DPYD: variants seen among roughly 807,000 people sequenced by gnomAD.
The protein encoded by DPYD is dihydropyrimidine dehydrogenase [NADP(+)].
In DPYD, 109 loss-of-function variants were observed where a neutral mutation model predicts 116.2. That is an observed-to-expected ratio of 0.94 (90% CI 0.80 to 1.10). The LOEUF (loss-of-function observed/expected upper bound fraction) is 1.10, where lower values mean the gene tolerates loss of function less well. DPYD is among the 50% of genes least tolerant of loss of function. The pLI is 0.00. For missense variants in DPYD, 1,302 were observed against 1,254.5 expected (o/e 1.04, Z -0.57); for synonymous variants, 440 against 432.0 (o/e 1.02, Z -0.23).
intron 3 of DPYD, chr1:97,796,802 C>T (rs1284998087): frequency 6.6e-6 from 1 of 152,082 alleles, no homozygotes; most frequent in Non-Finnish European, 1.5e-5. Flanking sequence ...ACTGTTATCA[C>T]CTTATATCCT....
intron 20 of DPYD, among the ~76,000 whole-genome samples, chr1:97,156,846 A>G (rs1176255827): frequency 1.3e-5 from 2 of 152,084 alleles, no homozygotes; most frequent in Non-Finnish European, 2.9e-5. Flanking sequence ...TATTCACAAT[A>G]GCAAAGACTT....
intron 16 of DPYD, among the ~76,000 whole-genome samples, chr1:97,342,647 T>A (rs903716570): frequency 6.6e-6 from 1 of 152,108 alleles, no homozygotes; most frequent in African/African-American, 2.4e-5. Flanking sequence ...TCCAGAAGAA[T>A]AAGAAAATTA....
chr1:97,443,827 G>T (rs909362813), intron 14 of DPYD, among the ~76,000 whole-genome samples: 1 of 152,156 alleles, frequency 6.6e-6, no homozygotes, highest in African/African-American at 2.4e-5. Flanking sequence ...AAACTTCAAA[G>T]AAATAGAAGC....
chr1:97,858,774 T>C (rs960540228), intron 2 of DPYD, among the ~76,000 whole-genome samples: 1 of 152,148 alleles, frequency 6.6e-6, no homozygotes. Context: ...CAATTAAGTA[T>C]TATCAAATCT....
Position 97,828,215 on chromosome 1 carries a change from T to C in DPYD, c.151-19A>G. Reference sequence around the variant, plus strand: ...CACAATTCTGCAACATATTTAAAAATTGCATTAATTCTCTAAGATCCTGAG... The same window carrying C: ...CACAATTCTGCAACATATTTAAAAACTGCATTAATTCTCTAAGATCCTGAG... On this transcript the variant is annotated intron_variant, in intron 2 of 22. Transcript: ENST00000370192. The C allele has an allele frequency of 1.9e-6, 3 of 1,608,868 alleles. No homozygotes were observed. Among genetic ancestry groups the C allele is most frequent in the Non-Finnish European group, 2.5e-6 (3 of 1,177,176 alleles).
intron 12 of DPYD, among the ~76,000 whole-genome samples, chr1:97,533,740 C>G (rs933144094): frequency 2.0e-5 from 3 of 152,114 alleles, no homozygotes; most frequent in Non-Finnish European, 4.4e-5. Flanking sequence ...CTTGTGTTAA[C>G]CTATTAACCC....
intron 3 of DPYD, among the ~76,000 whole-genome samples, chr1:97,793,914 TTG>T (rs1466732709): frequency 2.0e-5 from 3 of 152,088 alleles, no homozygotes; most frequent in Non-Finnish European, 4.4e-5. Context: ...CACCTGGTTG[TTG>T]TGTTTGTTTG....
At chr1:97,231,500 T>G (rs1367743514) in intron 19 of DPYD, among the ~76,000 whole-genome samples, 1 of 152,128 alleles carries the variant, frequency 6.6e-6, no homozygotes, top group Admixed American at 6.5e-5. Context: ...CAAGAGAGCA[T>G]GTGCAGGGGA....
chr1:97,117,293 T>A (rs1652053061), intron 20 of DPYD, among the ~76,000 whole-genome samples: 1 of 152,210 alleles, frequency 6.6e-6, no homozygotes, highest in Non-Finnish European at 1.5e-5. Context: ...CAAGTGTCGC[T>A]CATTTATCTG....
chr1:97,725,822 G>T (rs1478470273), intron 4 of DPYD, among the ~76,000 whole-genome samples: 1 of 151,590 alleles, frequency 6.6e-6, no homozygotes, highest in African/African-American at 2.4e-5. Flanking sequence ...CTGGGGGTCT[G>T]AGAGGGAATG....
intron 4 of DPYD, among the ~76,000 whole-genome samples, chr1:97,725,601 T>C (rs1159293771): frequency 1.3e-5 from 2 of 151,700 alleles, no homozygotes; most frequent in Non-Finnish European, 3.0e-5. Flanking sequence ...GATAAGCATG[T>C]AGATCAATGT....
At chr1:97,547,956 C>T (rs980441917) in intron 12 of DPYD, among the ~76,000 whole-genome samples, 2 of 152,040 alleles carry the variant, frequency 1.3e-5, no homozygotes, top group Non-Finnish European at 2.9e-5. Flanking sequence ...AGTGTCAAGT[C>T]CAGGCCCTAC....
intron 13 of DPYD, among the ~76,000 whole-genome samples, chr1:97,461,466 T>C (rs1032348382): frequency 9.2e-5 from 14 of 152,152 alleles, no homozygotes; most frequent in African/African-American, 3.4e-4. Flanking sequence ...CACACACCTC[T>C]GTTTTGGCTA....
intron 13 of DPYD, among the ~76,000 whole-genome samples, chr1:97,512,879 T>G (rs1259535718): frequency 1.3e-5 from 2 of 151,840 alleles, no homozygotes; most frequent in Non-Finnish European, 2.9e-5. Context: ...AAAAGCAACC[T>G]TGTTATTTTG....
intron 8 of DPYD, among the ~76,000 whole-genome samples, chr1:97,617,302 A>G (rs1276741047): frequency 2.0e-5 from 3 of 152,158 alleles, no homozygotes; most frequent in Non-Finnish European, 2.9e-5. Context: ...TCAACTATCC[A>G]TGCCTAAATA....
At position 97,823,921 on chromosome 1, in the gene DPYD, A is replaced by G. The variant is rs979156232; in HGVS notation, c.233+4193T>C. Among the ~76,000 whole-genome samples the G allele has an allele frequency of 4.6e-5, 7 of 151,018 alleles. No homozygotes were observed. The South Asian group carries it at 1.3e-3, about 27-fold the overall frequency. The stretch of plus-strand genomic sequence containing the variant: ...AGCAAAAACAAACAAGTAAACAAAC[A>G]AACAAAAAAAACCTTTTATACCATT... On this transcript the variant is annotated intron_variant, in intron 3 of 22. Coordinates refer to ENST00000370192, the MANE Select transcript of DPYD (RefSeq NM_000110.4).
chr1:97,545,066 G>C (rs941802373), intron 12 of DPYD, among the ~76,000 whole-genome samples: 2 of 152,128 alleles, frequency 1.3e-5, no homozygotes, highest in South Asian at 2.1e-4. Flanking sequence ...GGGTATAAAA[G>C]AGTTTTTAAG....
chr1:97,757,476 A>G (rs1665312627), intron 3 of DPYD, among the ~76,000 whole-genome samples: 1 of 152,154 alleles, frequency 6.6e-6, no homozygotes, highest in African/African-American at 2.4e-5. Context: ...ATGCCAGGTT[A>G]GTCTTGCATT....
At chr1:97,177,001 A>AT (rs1309822402) in intron 20 of DPYD, among the ~76,000 whole-genome samples, 1 of 151,782 alleles carries the variant, frequency 6.6e-6, no homozygotes, top group Non-Finnish European at 1.5e-5. Flanking sequence ...ATCCTAGAGT[A>AT]TTTTTCCCAC....
Sources: allele counts gnomAD v4.1 joint callset (sites outside exome capture counted in the v4.1 genomes callset), GRCh38; gene constraint gnomAD v4.1.1; transcripts MANE v1.5; gene names NCBI Gene and HGNC (gene_info 2026-07-23, HGNC 2026-07-21).